Variants in TRERF1 observed in about 807,000 individuals in gnomAD.
TRERF1 encodes the protein transcriptional-regulating factor 1.
In TRERF1, 27 loss-of-function variants were observed where a neutral mutation model predicts 122.9. The ratio of observed to expected loss-of-function variants is 0.22; its 90% CI spans 0.16 to 0.30. The LOEUF (loss-of-function observed/expected upper bound fraction) is 0.30. Among genes scored for constraint, TRERF1 ranks in the 10% least tolerant of loss-of-function variants. The pLI is 1.00. For missense variants in TRERF1, 1,248 were observed against 1,560.3 expected, an observed-to-expected ratio of 0.80 and a Z score of 3.37; for synonymous variants, 636 against 641.7, an observed-to-expected ratio of 0.99 and a Z score of 0.13.
intron 13 of TRERF1, among the ~76,000 whole-genome samples, chr6:42,252,085 CTG>C (rs1256911334): frequency 6.6e-6 from 1 of 152,104 alleles, no homozygotes. Context: ...GAGGGCTGGA[CTG>C]TGCATCGTGG....
chr6:42,263,710 T>G lies in TRERF1; in HGVS notation c.1636-142A>C. The G allele has an allele frequency of 8.3e-7, 1 of 1,210,116 alleles. No homozygotes were observed. Among genetic ancestry groups the G allele is most frequent in the Non-Finnish European group, 1.1e-6 (1 of 939,542 alleles). The allele number at this position is 1,210,116 out of a possible 1,614,324, so 75.0% of individuals were successfully genotyped here. ...CAGGGCGATTTCCTTCCTGCAATCC[T>G]GAGTCCCTTGGCTGGAGTGATGCCA... On this transcript the variant is annotated intron_variant, in intron 7 of 17. Coordinates refer to ENST00000372922, the Ensembl canonical transcript of TRERF1. This position sits in a 1 kb window ranked among gnomAD's most constrained non-coding sequence, Gnocchi z 5.6.
chr6:42,422,699 C>T (rs1782973234), intron 2 of TRERF1, among the ~76,000 whole-genome samples: 1 of 152,036 alleles, frequency 6.6e-6, no homozygotes. Flanking sequence ...CGCTCCACCC[C>T]TTTCTGCCCA....
rs1445016315 is a variant in TRERF1, at chr6:42,263,282, C to A, written c.1884+38G>T. ...CACAGCAGGCGTGCGGGGGGCAGCC[C>A]CTTGGGGTGAGTGTGGGGGAGAGAG... is the stretch of plus-strand genomic sequence containing the variant. On this transcript the variant is annotated intron_variant, in intron 8 of 17. Coordinates refer to ENST00000372922, the Ensembl canonical transcript of TRERF1. The surrounding 1 kb of genome is among the most constrained non-coding windows in gnomAD (Gnocchi z 5.6). 1 of 1,585,198 alleles carries A rather than the reference C, an allele frequency of 6.3e-7. No individual in the cohort carries two copies. Among genetic ancestry groups the A allele is most frequent in the Non-Finnish European group, 8.6e-7 (1 of 1,163,776 alleles).
Position 42,228,222 on chromosome 6 carries a change from A to C in TRERF1, c.*123T>G, listed in dbSNP as rs769539184. 21 of 855,014 alleles carry C rather than the reference A, an allele frequency of 2.5e-5. No homozygotes were observed. Among genetic ancestry groups the C allele is most frequent in the Non-Finnish European group, 3.5e-5 (21 of 606,768 alleles). The allele number at this position is 855,014 out of a possible 1,614,324, so 53.0% of individuals were successfully genotyped here. A position where few individuals can be genotyped will look rare whatever the true frequency, so the allele number is the denominator to read the frequency against. On this transcript the variant is annotated 3_prime_UTR_variant, in exon 18 of 18. Coordinates refer to ENST00000372922, the Ensembl canonical transcript of TRERF1. This position sits in a 1 kb window ranked among gnomAD's most constrained non-coding sequence, Gnocchi z 4.2. ...AGGATTTTTTTTTCTAAACCTGAAT[A>C]AAATGACCACTTTTAAAACAGGTAG...
At chr6:42,414,206 T>G (rs1781516373) in intron 2 of TRERF1, among the ~76,000 whole-genome samples, 1 of 152,210 alleles carries the variant, frequency 6.6e-6, no homozygotes. Context: ...CATCTGGACT[T>G]AAAGCATCCT....
rs555649094 is a variant in TRERF1 at position 42,363,408 on chromosome 6, C to T, written c.-453-329G>A. Among the ~76,000 whole-genome samples, 120 of 152,318 alleles carry T rather than the reference C, an allele frequency of 7.9e-4. 1 individual carries two copies. In the South Asian group the frequency reaches 0.024, roughly 30 times the overall value. ...TTCAACGTAAAGTAATATCCAGACC[C>T]TCACCGTTTCTCGACACCTCCACTG... On this transcript the variant is annotated intron_variant, in intron 2 of 17. Coordinates refer to ENST00000372922, the Ensembl canonical transcript of TRERF1.
At chr6:42,258,272 A>G in intron 9 of TRERF1, 71 bp from the exon 10 acceptor site, 3 of 1,391,760 alleles carry the variant, frequency 2.2e-6, no homozygotes, top group East Asian at 2.3e-5. Context: ...GCAAATGAGC[A>G]GTTACCTAAC....
Position 42,263,223 on chromosome 6 carries a change from TC to T in TRERF1, c.1884+96del. On this transcript the variant is annotated intron_variant, in intron 8 of 17. Transcript: ENST00000372922. The surrounding 1 kb of genome is among the most constrained non-coding windows in gnomAD (Gnocchi z 5.6). ...CCATCTCCAAGAAAGCAAAGGGATG[TC>T]CCCACCCAGGCAGGTGGGGCAGAGC... The T allele has an allele frequency of 6.7e-7, 1 of 1,482,012 alleles. No individual in the cohort carries two copies. Among genetic ancestry groups the T allele is most frequent in the East Asian group, 2.4e-5 (1 of 41,032 alleles). 91.8% of individuals were successfully genotyped at this position (1,482,012 alleles called of 1,614,324 possible).
chr6:42,447,951 G>C (rs1164547250), intron 2 of TRERF1, among the ~76,000 whole-genome samples: 1 of 152,084 alleles, frequency 6.6e-6, no homozygotes, highest in Non-Finnish European at 1.5e-5. Context: ...TGATCCGCCT[G>C]CCTCGGCCTC....
intron 3 of TRERF1, among the ~76,000 whole-genome samples, chr6:42,357,273 G>A (rs1001431977): frequency 6.9e-6 from 1 of 145,418 alleles, no homozygotes; most frequent in Non-Finnish European, 1.5e-5. Context: ...AGGTTGGAGT[G>A]AGCCAAGACT....
Position 42,282,365 on chromosome 6 carries a change from T to G in TRERF1, c.-258-12517A>C, listed in dbSNP as rs145659637. ...GAGTTAGAGACCAGTCTGGGCAACA[T>G]GGGGAAACCCTGTCTCTACAAAAAA... On this transcript the variant is annotated intron_variant, in intron 4 of 17. Coordinates refer to ENST00000372922, the Ensembl canonical transcript of TRERF1. 9.3e-3 allele frequency among the ~76,000 whole-genome samples: 1,416 copies of G among 152,208 alleles called. 26 individuals are homozygous for G. Among genetic ancestry groups the G allele is most frequent in the South Asian group, 0.027 (131 of 4,816 alleles).
chr6:42,318,526 G>C (rs1762871965), intron 3 of TRERF1, among the ~76,000 whole-genome samples: 1 of 152,224 alleles, frequency 6.6e-6, no homozygotes, highest in Non-Finnish European at 1.5e-5. Flanking sequence ...CCAGGCTCTA[G>C]TTAGGCACTG....
chr6:42,277,313 G>A (rs911495247), intron 4 of TRERF1, among the ~76,000 whole-genome samples: 1 of 152,198 alleles, frequency 6.6e-6, no homozygotes, highest in African/African-American at 2.4e-5. Context: ...TGGCTGGGAT[G>A]ACCTCTCCTT....
rs148630220 is a variant in TRERF1, at chr6:42,250,041, G to A, written c.2657-3497C>T. 3.9e-4 allele frequency among the ~76,000 whole-genome samples: 59 copies of A among 152,300 alleles called. No homozygotes were observed. In the East Asian group the frequency reaches 9.3e-3, roughly 24 times the overall value. ...AACTGTGATAAAAAGGGTGATTTTA[G>A]TCACCTTAGGTTGTAAACCTGGTTC... On this transcript the variant is annotated intron_variant, in intron 13 of 17. Coordinates refer to ENST00000372922, the Ensembl canonical transcript of TRERF1.
chr6:42,430,678 G>A (rs1417064076), intron 2 of TRERF1, among the ~76,000 whole-genome samples: 4 of 152,078 alleles, frequency 2.6e-5, no homozygotes, highest in African/African-American at 9.7e-5. Context: ...GGTGGATCAC[G>A]AGGTCAGGAG....
chr6:42,403,042 G>C (rs1031892541), intron 2 of TRERF1, among the ~76,000 whole-genome samples: 17 of 152,130 alleles, frequency 1.1e-4, no homozygotes, highest in African/African-American at 3.6e-4. Flanking sequence ...AGTTAGGACA[G>C]GGACAATAAA....
At chr6:42,344,958 C>G (rs987555676) in intron 3 of TRERF1, among the ~76,000 whole-genome samples, 1 of 152,112 alleles carries the variant, frequency 6.6e-6, no homozygotes, top group African/African-American at 2.4e-5. Flanking sequence ...TCTTCAGCAC[C>G]CAGGACAGTG....
intron 2 of TRERF1, among the ~76,000 whole-genome samples, chr6:42,444,800 C>T (rs1372508026): frequency 6.6e-6 from 1 of 152,200 alleles, no homozygotes. Flanking sequence ...CTTCCAGCTC[C>T]CACTCCGTTT....
At chr6:42,377,925 G>A (rs1359340582) in intron 2 of TRERF1, among the ~76,000 whole-genome samples, 1 of 152,184 alleles carries the variant, frequency 6.6e-6, no homozygotes, top group Non-Finnish European at 1.5e-5. Flanking sequence ...CCCCATGCTT[G>A]CTGAAGGTGC....
Sources: allele counts gnomAD v4.1 joint callset (sites outside exome capture counted in the v4.1 genomes callset), GRCh38; gene constraint gnomAD v4.1.1; non-coding constraint Gnocchi (gnomAD v3.1); transcripts MANE v1.5; gene names NCBI Gene and HGNC (gene_info 2026-07-23, HGNC 2026-07-21).